PIK3CA: variants seen among roughly 807,000 people sequenced by gnomAD.
The protein encoded by PIK3CA is phosphatidylinositol-4,5-bisphosphate 3-kinase catalytic subunit alpha, also known as phosphatidylinositol 4,5-bisphosphate 3-kinase catalytic subunit alpha isoform.
PIK3CA carries 27 observed loss-of-function variants against 138.2 expected under a neutral mutation model. That is an observed-to-expected ratio of 0.20 (90% CI 0.14 to 0.27). The LOEUF (loss-of-function observed/expected upper bound fraction) is 0.27, where lower values mean the gene tolerates loss of function less well. PIK3CA is among the 10% of genes least tolerant of loss of function. The pLI, the probability that PIK3CA is intolerant of heterozygous loss-of-function variation, is 1.00. For missense variants in PIK3CA, 544 were observed against 1,277.4 expected, an observed-to-expected ratio of 0.43 and a Z score of 8.75; for synonymous variants, 358 against 413.2, an observed-to-expected ratio of 0.87 and a Z score of 1.62.
rs897766262 is a variant in PIK3CA, at chr3:179,238,359, G to A, written c.*3995G>A. ...CATTAAAAATTGTAAATATATCTATGTGCCATGGCCTGGGAAGCCTGCTTT... is the reference window on the plus strand; with the variant it reads ...CATTAAAAATTGTAAATATATCTATATGCCATGGCCTGGGAAGCCTGCTTT... On this transcript the variant is annotated 3_prime_UTR_variant, in exon 21 of 21. Transcript: ENST00000263967. The A allele has an allele frequency of 1.4e-5, 3 of 215,674 alleles. No homozygotes were observed. The highest frequency in any genetic ancestry group is 2.8e-5 in the Non-Finnish European group (3 of 107,126). The allele number at this position is 215,674 out of a possible 1,614,324, so 13.4% of individuals were successfully genotyped here. A position where few individuals can be genotyped will look rare whatever the true frequency, so the allele number is the denominator to read the frequency against.
At chr3:179,150,584 A>G (rs1722991294) in intron 1 of PIK3CA, among the ~76,000 whole-genome samples, 1 of 152,214 alleles carries the variant, frequency 6.6e-6, no homozygotes, top group Non-Finnish European at 1.5e-5. Context: ...AAATGGCTTC[A>G]TGGAAGTGTA....
At chr3:179,229,150 GA>G in intron 17 of PIK3CA, 121 bp from the exon 18 acceptor site, 1 of 651,610 alleles carries the variant, frequency 1.5e-6, no homozygotes, top group Non-Finnish European at 2.5e-6. Flanking sequence ...TAAAATTGGG[GA>G]AAGGCAGTAA....
At chr3:179,163,362 T>G (rs996263746) in intron 1 of PIK3CA, among the ~76,000 whole-genome samples, 1 of 152,088 alleles carries the variant, frequency 6.6e-6, no homozygotes, top group Non-Finnish European at 1.5e-5. Flanking sequence ...TTCGTTCGAC[T>G]CTCAAATAAG....
intron 3 of PIK3CA, among the ~76,000 whole-genome samples, chr3:179,200,457 T>A (rs1048702888): frequency 6.6e-6 from 1 of 152,122 alleles, no homozygotes; most frequent in African/African-American, 2.4e-5. Context: ...GATAAATATC[T>A]ATATTTTTCA....
chr3:179,157,836 C>G (rs574379607), intron 1 of PIK3CA, among the ~76,000 whole-genome samples: 1 of 152,152 alleles, frequency 6.6e-6, no homozygotes, highest in Admixed American at 6.5e-5. Flanking sequence ...AGTTTTGTAA[C>G]TTTGGGAAAG....
chr3:179,214,037 G>A (rs1286645158), intron 9 of PIK3CA, among the ~76,000 whole-genome samples: 1 of 152,170 alleles, frequency 6.6e-6, no homozygotes. Flanking sequence ...GCCTTGCTCT[G>A]GATTAGGCTT....
At chr3:179,211,561 G>A (rs1724711935) in intron 9 of PIK3CA, among the ~76,000 whole-genome samples, 1 of 152,140 alleles carries the variant, frequency 6.6e-6, no homozygotes. Flanking sequence ...CAGCTACTCG[G>A]GAGGCTAAGT....
intron 1 of PIK3CA, among the ~76,000 whole-genome samples, chr3:179,164,499 T>C (rs1380864093): frequency 6.6e-6 from 1 of 152,234 alleles, no homozygotes; most frequent in Non-Finnish European, 1.5e-5. Context: ...GTTTTCAGAA[T>C]GTTTTCACAT....
At chr3:179,201,621 T>G in intron 4 of PIK3CA, 81 bp downstream of exon 4, 1 of 1,040,332 alleles carries the variant, frequency 9.6e-7, no homozygotes, top group Non-Finnish European at 1.4e-6. Context: ...TTTTTTTTTT[T>G]TTTTGAGACG....
chr3:179,224,065 C>A lies in PIK3CA; in HGVS notation c.2188-16C>A. The A allele has an allele frequency of 7.2e-7, 1 of 1,382,764 alleles. No homozygotes were observed. Among genetic ancestry groups the A allele is most frequent in the Non-Finnish European group, 1.0e-6 (1 of 980,874 alleles). The allele number at this position is 1,382,764 out of a possible 1,614,324, so 85.7% of individuals were successfully genotyped here. On this transcript the variant is annotated splice_polypyrimidine_tract_variant and intron_variant, in intron 14 of 20. Transcript: ENST00000263967. ...AAGTCAGTTTCTTACTGTGACTATC[C>A]TTTTTTTTTAATCAGGTACAGATGA...
chr3:179,232,443 C>T (rs1441566773), intron 20 of PIK3CA, among the ~76,000 whole-genome samples: 3 of 152,092 alleles, frequency 2.0e-5, no homozygotes, highest in African/African-American at 7.2e-5. Flanking sequence ...TCTAGGTTCT[C>T]CATTCTGTTC....
chr3:179,149,573 T>C (rs1282105511), intron 1 of PIK3CA: 1 of 152,252 alleles, frequency 6.6e-6, no homozygotes, highest in Non-Finnish European at 1.5e-5. Flanking sequence ...GCATATTCTT[T>C]AATGAATTAG....
At chr3:179,200,204 A>G (rs1340651994) in intron 3 of PIK3CA, among the ~76,000 whole-genome samples, 1 of 152,042 alleles carries the variant, frequency 6.6e-6, no homozygotes, top group African/African-American at 2.4e-5. Flanking sequence ...TTATCTTTTC[A>G]TAAATAAAAA....
At chr3:179,148,912 A>C (rs1722930861) in intron 1 of PIK3CA, among the ~76,000 whole-genome samples, 1 of 151,650 alleles carries the variant, frequency 6.6e-6, no homozygotes, top group South Asian at 2.1e-4. Context: ...AAGTGCGCCC[A>C]GGGCCGCCGC....
chr3:179,166,308 A>G (rs1318985492), intron 1 of PIK3CA, among the ~76,000 whole-genome samples: 2 of 152,226 alleles, frequency 1.3e-5, no homozygotes, highest in Non-Finnish European at 2.9e-5. Context: ...AAGATAGAGA[A>G]TAACTGTAAA....
chr3:179,191,432 C>T (rs1272383614), intron 1 of PIK3CA, among the ~76,000 whole-genome samples: 4 of 152,148 alleles, frequency 2.6e-5, no homozygotes. Flanking sequence ...ATTTAAACAG[C>T]TTCTATACTT....
chr3:179,183,600 A>G (rs947278054), intron 1 of PIK3CA, among the ~76,000 whole-genome samples: 5 of 152,228 alleles, frequency 3.3e-5, no homozygotes, highest in Non-Finnish European at 7.3e-5. Flanking sequence ...TGCACTATAC[A>G]TTCTGTGCTT....
At chr3:179,175,884 T>G (rs1438513586) in intron 1 of PIK3CA, among the ~76,000 whole-genome samples, 1 of 152,218 alleles carries the variant, frequency 6.6e-6, no homozygotes, top group Admixed American at 6.5e-5. Flanking sequence ...ATTCCTCAAA[T>G]GCATGAAGAT....
In PIK3CA at chr3:179,219,022, T is replaced by C. The variant is rs1724905464; in HGVS notation, c.1665-174T>C. 6.6e-6 allele frequency among the ~76,000 whole-genome samples: 1 copy of C among 152,088 alleles called. No homozygotes were observed. Among genetic ancestry groups the C allele is most frequent in the Admixed American group, 6.6e-5 (1 of 15,250 alleles). ...CATTATAACTGTGCCTAAGTATATA[T>C]GTAAATATATTTCCAACTATAGTGT... On this transcript the variant is annotated intron_variant, in intron 10 of 20. Transcript: ENST00000263967. The surrounding 1 kb of genome is among the most constrained non-coding windows in gnomAD (Gnocchi z 4.2).
Sources: gnomAD v4.1 joint callset for allele counts (sites outside exome capture counted in the v4.1 genomes callset) on GRCh38, gnomAD v4.1.1 for gene constraint, Gnocchi (gnomAD v3.1) non-coding constraint, MANE v1.5 for transcripts, NCBI Gene and HGNC (gene_info 2026-07-23, HGNC 2026-07-21) for gene names.